Variants in ACAD10 observed in about 807,000 individuals in gnomAD.
ACAD10 encodes acyl-CoA dehydrogenase family member 10.
Under a neutral mutation model 116.8 loss-of-function variants are expected in ACAD10, and 112 were observed. The observed-to-expected ratio is 0.96, with a 90% CI of 0.82 to 1.12. ACAD10 has a LOEUF of 1.12. Among genes scored for constraint, ACAD10 ranks in the 50% most tolerant of loss-of-function variants. ACAD10 has a pLI of 0.00. For synonymous variants in ACAD10, 486 were observed against 510.6 expected (o/e 0.95, Z 0.65); for missense variants, 1,259 against 1,350.2 (o/e 0.93, Z 1.06).
At chr12:111,692,485 C>G (rs1188978793) in intron 1 of ACAD10, among the ~76,000 whole-genome samples, 2 of 152,176 alleles carry the variant, frequency 1.3e-5, no homozygotes, top group Non-Finnish European at 2.9e-5. Context: ...AGGCGAGTCC[C>G]AGCTTTCTAG....
intron 8 of ACAD10, among the ~76,000 whole-genome samples, chr12:111,727,071 C>G (rs566313796): frequency 2.8e-4 from 42 of 151,646 alleles, no homozygotes; most frequent in African/African-American, 9.9e-4. Flanking sequence ...ACTAAAAATA[C>G]AAAAATTAGT....
intron 12 of ACAD10, 49 bp from the exon 13 acceptor site, chr12:111,744,594 A>T (rs754584246): frequency 1.3e-6 from 2 of 1,570,088 alleles, no homozygotes; most frequent in East Asian, 4.5e-5. Context: ...TAACATCCCT[A>T]TGATGGGTCG....
chr12:111,723,621 G>A (rs680135), intron 8 of ACAD10, among the ~76,000 whole-genome samples: 20,699 of 126,200 alleles, frequency 0.16, 1,316 homozygotes, highest in East Asian at 0.22. Context: ...CCTCCCGGAC[G>A]GGGCGGCTGG....
chr12:111,756,589 T>C lies in ACAD10; in HGVS notation c.*116T>C. The stretch of plus-strand genomic sequence containing the variant: ...GCTCCTGCACCCTGCTCAGCAGCTC[T>C]GTCCCGGGACAGTCAGGGTGGACTC... On this transcript the variant is annotated 3_prime_UTR_variant, in exon 21 of 21. Transcript: ENST00000313698. The C allele has an allele frequency of 2.0e-6, 3 of 1,473,796 alleles. No homozygotes were observed. Among genetic ancestry groups the C allele is most frequent in the Non-Finnish European group, 2.8e-6 (3 of 1,088,650 alleles). 91.3% of individuals were successfully genotyped at this position (1,473,796 alleles called of 1,614,324 possible). A position where few individuals can be genotyped will look rare whatever the true frequency, so the allele number is the denominator to read the frequency against.
Position 111,747,067 on chromosome 12 carries a change from C to T in ACAD10, c.2275C>T (p.Pro759Ser). 1.2e-6 allele frequency: 2 copies of T among 1,608,098 alleles called. No individual in the cohort carries two copies. Among genetic ancestry groups the T allele is most frequent in the Non-Finnish European group, 1.7e-6 (2 of 1,176,338 alleles). ...YAPEVCNCSAPDTGNMELLVR... is the reference protein window; with the variant it reads ...YAPEVCNCSASDTGNMELLVR... ...TTCTCAGGTATGTAACTGCTCTGCG[C>T]CTGACACGGGCAACATGGAGCTGCT... Residue 759 changes from proline (P) to serine (S), a missense_variant, in exon 15 of 21, where the codon CCT becomes TCT. Physicochemically the swap from Pro to Ser is moderately conservative, Grantham distance 74. Coordinates refer to ENST00000313698, the MANE Select transcript of ACAD10 (RefSeq NM_025247.6).
chr12:111,748,795 G>A, intron 17 of ACAD10: 2 of 559,564 alleles, frequency 3.6e-6, no homozygotes, highest in Non-Finnish European at 6.2e-6. Flanking sequence ...GTGAACAGCT[G>A]ACCTCTAGGC....
intron 10 of ACAD10, among the ~76,000 whole-genome samples, chr12:111,731,718 G>A (rs375162291): frequency 5.9e-5 from 9 of 152,186 alleles, no homozygotes; most frequent in African/African-American, 1.7e-4. Context: ...TTGATGGATA[G>A]AAGAACATTT....
Position 111,740,254 on chromosome 12 carries a change from G to A in ACAD10, c.1714+3250G>A, listed in dbSNP as rs113150887. 5.4e-3 allele frequency among the ~76,000 whole-genome samples: 825 copies of A among 152,178 alleles called. 4 individuals carry two copies. The highest frequency in any genetic ancestry group is 0.018 in the African/African-American group (761 of 41,524). On this transcript the variant is annotated intron_variant, in intron 12 of 20. Coordinates refer to ENST00000313698, the MANE Select transcript of ACAD10 (RefSeq NM_025247.6). ...CGAAGTAGGTGGATCACCTGAGGTC[G>A]GGAGTTTGAGACCCCTGGCCAACAT...
In ACAD10 at chr12:111,721,703, C is replaced by G. The variant is rs1394324480; in HGVS notation, c.1025C>G (p.Pro342Arg). 3.1e-6 allele frequency: 5 copies of G among 1,604,662 alleles called. No individual in the cohort carries two copies. The East Asian group carries it at 1.1e-4, about 36-fold the overall frequency. ...IMKALANAGV[P>R]VPNVLDLCED... Reference sequence around the variant, plus strand: ...AAAGCCCTTGCAAATGCTGGAGTACCTGTCCCTAACGTTCTTGATCTCTGT... The same window carrying G: ...AAAGCCCTTGCAAATGCTGGAGTACGTGTCCCTAACGTTCTTGATCTCTGT... The change falls in exon 8 of 21, where the codon CCT (proline) becomes CGT (arginine). Residue 342 changes from proline (P) to arginine (R), a missense_variant. Transcript: ENST00000313698.
At chr12:111,725,542 C>G (rs1471147459) in intron 8 of ACAD10, among the ~76,000 whole-genome samples, 1 of 143,910 alleles carries the variant, frequency 6.9e-6, no homozygotes, top group African/African-American at 2.6e-5. Context: ...TCTTCTTCTT[C>G]TTTTTTTTTT....
At chr12:111,747,263 G>A in intron 15 of ACAD10, 32 bp from the exon 16 acceptor site, 1 of 1,613,896 alleles carries the variant, frequency 6.2e-7, no homozygotes. Context: ...CTGTCTGCTG[G>A]CGTCTCTGAC....
intron 18 of ACAD10, chr12:111,753,338 A>G: frequency 2.7e-6 from 1 of 371,994 alleles, no homozygotes; most frequent in South Asian, 2.0e-5. Context: ...GCAGGGCAGG[A>G]AGGGGTGCTG....
chr12:111,747,819 A>G, intron 16 of ACAD10: 1 of 961,864 alleles, frequency 1.0e-6, no homozygotes, highest in South Asian at 4.2e-5. Context: ...CGTGGAGCTT[A>G]CCTCCCGGAG....
At chr12:111,731,853 C>T (rs1215581285) in intron 10 of ACAD10, among the ~76,000 whole-genome samples, 3 of 152,126 alleles carry the variant, frequency 2.0e-5, no homozygotes, top group African/African-American at 7.2e-5. Flanking sequence ...GAGGCGAAAG[C>T]GGGCAGATCA....
chr12:111,703,742 G>T, intron 3 of ACAD10, among the ~76,000 whole-genome samples: 1 of 152,048 alleles, frequency 6.6e-6, no homozygotes, highest in East Asian at 1.9e-4. Flanking sequence ...GGAGGCTGAG[G>T]CAGGAGAATT....
Position 111,749,312 on chromosome 12 carries a change from C to A in ACAD10, c.2784C>A (p.Phe928Leu). The change falls in exon 18 of 21, where the codon TTC (phenylalanine) becomes TTA (leucine). Residue 928 changes from phenylalanine (F) to leucine (L), a missense_variant. Transcript: ENST00000313698. ...RIHHCMRLIG[F>L]SERALALMKA... ...ATCACTGCATGAGGCTGATCGGGTT[C>A]TCAGAGAGGGCCCTGGCACTCATGA... 6.2e-7 allele frequency: 1 copy of A among 1,613,844 alleles called. No homozygotes were observed. The highest frequency in any genetic ancestry group is 8.5e-7 in the Non-Finnish European group (1 of 1,179,940).
At chr12:111,692,139 T>G (rs1332448699) in intron 1 of ACAD10, among the ~76,000 whole-genome samples, 1 of 152,182 alleles carries the variant, frequency 6.6e-6, no homozygotes, top group Non-Finnish European at 1.5e-5. Context: ...CGGCTAATTT[T>G]GTATTTTTAG....
At position 111,728,058 on chromosome 12, in the gene ACAD10, C is replaced by T. The variant is rs1434980827; in HGVS notation, c.1158C>T (p.Ala386=). 3 of 1,614,046 alleles carry T rather than the reference C, an allele frequency of 1.9e-6. No individual in the cohort carries two copies. The highest frequency in any genetic ancestry group is 2.5e-6 in the Non-Finnish European group (3 of 1,180,036). ...GCTTGGAGCCCAGCCACAGACGAGC[C>T]ATATACACTGCCATGAACACAGTCC... ...LPGLEPSHRR[A]IYTAMNTVLC... Residue 386 remains alanine, a synonymous_variant, in exon 9 of 21, where the codon GCC becomes GCT. Coordinates refer to ENST00000313698, the MANE Select transcript of ACAD10 (RefSeq NM_025247.6).
chr12:111,712,662 G>T lies in ACAD10; in HGVS notation c.850+5G>T, dbSNP rs775828166. The T allele has an allele frequency of 6.2e-7, 1 of 1,612,738 alleles. No homozygotes were observed. The stretch of plus-strand genomic sequence containing the variant: ...TACTGGGTATCCAGACCACAGGTAT[G>T]TGGGCTTCTTTCATGTTTTGGTAGC... On this transcript the variant is annotated splice_donor_5th_base_variant and intron_variant, in intron 6 of 20. Coordinates refer to ENST00000313698, the MANE Select transcript of ACAD10 (RefSeq NM_025247.6).
Sources: gnomAD v4.1 joint callset for allele counts (sites outside exome capture counted in the v4.1 genomes callset) on GRCh38, gnomAD v4.1.1 for gene constraint, MANE v1.5 for transcripts, NCBI Gene and HGNC (gene_info 2026-07-23, HGNC 2026-07-21) for gene names.